PCDHGB5: variants seen among roughly 807,000 people sequenced by gnomAD.
PCDHGB5 encodes the protein protocadherin gamma subfamily B, 5, also known as protocadherin gamma-B5.
PCDHGB5 carries 48 observed loss-of-function variants against 62.9 expected under a neutral mutation model. The observed-to-expected ratio is 0.76, with a 90% confidence interval of 0.61 to 0.97. PCDHGB5 has a LOEUF of 0.97. Among genes scored for constraint, PCDHGB5 ranks in the 50% least tolerant of loss-of-function variants. PCDHGB5 has a pLI of 0.00. For missense variants in PCDHGB5, 1,118 were observed against 1,198.6 expected (o/e 0.93, Z 0.99); for synonymous variants, 474 against 511.2 (o/e 0.93, Z 0.98).
intron 1 of PCDHGB5, among the ~76,000 whole-genome samples, chr5:141,443,594 T>C (rs1040469046): frequency 1.3e-5 from 2 of 152,234 alleles, no homozygotes; most frequent in Non-Finnish European, 2.9e-5. Flanking sequence ...CAGAATGTGG[T>C]ATATGAAATG....
At chr5:141,462,100 G>T (rs1202526885) in intron 1 of PCDHGB5, among the ~76,000 whole-genome samples, 1 of 152,164 alleles carries the variant, frequency 6.6e-6, no homozygotes, top group Non-Finnish European at 1.5e-5. Flanking sequence ...TGGGATTACA[G>T]GCATGAGCCA....
rs765249445 is a variant in PCDHGB5, at chr5:141,489,754, C to T, written c.2398-5053C>T. ...CACCAATACTGTGAGCTTTTACACT[C>T]TAAGCCCCAACAGCCACTTCTCTCT... is the stretch of plus-strand genomic sequence containing the variant. On this transcript the variant is annotated intron_variant, in intron 1 of 3. Coordinates refer to ENST00000617380, the MANE Select transcript of PCDHGB5 (RefSeq NM_018925.3). The surrounding 1 kb of genome is among the most constrained non-coding windows in gnomAD (Gnocchi z 4.5). The T allele has an allele frequency of 4.0e-5, 64 of 1,613,992 alleles. No individual in the cohort carries two copies. The South Asian group carries it at 6.8e-4, about 17-fold the overall frequency.
chr5:141,403,581 T>C (rs2094427540), intron 1 of PCDHGB5: 8 of 1,613,936 alleles, frequency 5.0e-6, no homozygotes, highest in Non-Finnish European at 6.8e-6. Flanking sequence ...GCCCACCACC[T>C]GGTCCTCACG....
At chr5:141,488,348 C>T (rs1231687770) in intron 1 of PCDHGB5, among the ~76,000 whole-genome samples, 1 of 152,106 alleles carries the variant, frequency 6.6e-6, no homozygotes, top group Non-Finnish European at 1.5e-5. Flanking sequence ...TAGAAACAGC[C>T]ACCCTGTGCA....
intron 2 of PCDHGB5, among the ~76,000 whole-genome samples, chr5:141,504,402 G>A (rs2099837969): frequency 6.6e-6 from 1 of 152,170 alleles, no homozygotes; most frequent in Admixed American, 6.6e-5. Context: ...AGCCAGTGTG[G>A]TGGAGGAACA....
chr5:141,404,185 C>T, intron 1 of PCDHGB5: 1 of 1,613,214 alleles, frequency 6.2e-7, no homozygotes, highest in Non-Finnish European at 8.5e-7. Context: ...AAATTCTTGA[C>T]CGAGAAAAAG....
intron 1 of PCDHGB5, chr5:141,404,272 G>A (rs2094505108): frequency 6.2e-7 from 1 of 1,613,834 alleles, no homozygotes; most frequent in Non-Finnish European, 8.5e-7. Flanking sequence ...ACATCACCCT[G>A]CAAGTGACTG....
intron 1 of PCDHGB5, among the ~76,000 whole-genome samples, chr5:141,481,426 A>T (rs1431602618): frequency 6.6e-6 from 1 of 152,238 alleles, no homozygotes; most frequent in Non-Finnish European, 1.5e-5. Context: ...TGTGATGATG[A>T]TTGTATCAGT....
chr5:141,410,579 G>A (rs760249748), intron 1 of PCDHGB5: 17 of 1,610,792 alleles, frequency 1.1e-5, no homozygotes, highest in Non-Finnish European at 1.4e-5. Context: ...TCCACCTCAT[G>A]GTGGGGAGGA....
In PCDHGB5 at chr5:141,490,455, G is replaced by A. The variant is rs746957706; in HGVS notation, c.2398-4352G>A. The A allele has an allele frequency of 9.3e-6, 15 of 1,614,010 alleles. No individual in the cohort carries two copies. The highest frequency in any genetic ancestry group is 2.2e-5 in the South Asian group (2 of 91,084). ...TTAAGCCTTCTGAGAACCACTACTC[G>A]CTGCTAACCAGCCAGCCTTTGGACC... On this transcript the variant is annotated intron_variant, in intron 1 of 3. Coordinates refer to ENST00000617380, the MANE Select transcript of PCDHGB5 (RefSeq NM_018925.3). The surrounding 1 kb of genome is among the most constrained non-coding windows in gnomAD (Gnocchi z 5.4).
At chr5:141,404,192 A>G in intron 1 of PCDHGB5, 1 of 1,613,574 alleles carries the variant, frequency 6.2e-7, no homozygotes. Flanking sequence ...TGACCGAGAA[A>G]AAGCCTCAGA....
At chr5:141,412,084 G>C (rs1199665555) in intron 1 of PCDHGB5, 1 of 152,170 alleles carries the variant, frequency 6.6e-6, no homozygotes, top group East Asian at 1.9e-4. Flanking sequence ...ATTGCTACTG[G>C]GTTGATGGGC....
chr5:141,436,298 T>C (rs1480546595), intron 1 of PCDHGB5, among the ~76,000 whole-genome samples: 3 of 152,186 alleles, frequency 2.0e-5, no homozygotes, highest in Non-Finnish European at 4.4e-5. Flanking sequence ...CATTGAGAGT[T>C]AGAGCATGAA....
Position 141,476,642 on chromosome 5 carries a change from C to G in PCDHGB5, c.2398-18165C>G. 6.2e-7 allele frequency: 1 copy of G among 1,614,240 alleles called. No homozygotes were observed. The highest frequency in any genetic ancestry group is 8.5e-7 in the Non-Finnish European group (1 of 1,180,050). ...CTCTTTACAAACCTATGAGCTGAGC[C>G]GAAATGAATACTTTGCGCTTCGCGT... On this transcript the variant is annotated intron_variant, in intron 1 of 3. Transcript: ENST00000617380. This position sits in a 1 kb window ranked among gnomAD's most constrained non-coding sequence, Gnocchi z 7.6.
rs772659046 is a variant in PCDHGB5 at position 141,426,970 on chromosome 5, A to C, written c.2397+26446A>C. On this transcript the variant is annotated intron_variant, in intron 1 of 3. Coordinates refer to ENST00000617380, the MANE Select transcript of PCDHGB5 (RefSeq NM_018925.3). Reference sequence around the variant, plus strand: ...ACTGGCACTGCTGCAATTCAAATTGAGGTCACTGATGCCAACGATAATGCC... The same window carrying C: ...ACTGGCACTGCTGCAATTCAAATTGCGGTCACTGATGCCAACGATAATGCC... 72 of 456,624 alleles carry C rather than the reference A, an allele frequency of 1.6e-4. No homozygotes were observed. In the Middle Eastern group the frequency reaches 1.6e-3, roughly 10 times the overall value. The allele number at this position is 456,624 out of a possible 1,614,324, so 28.3% of individuals were successfully genotyped here. A position where few individuals can be genotyped will look rare whatever the true frequency, so the allele number is the denominator to read the frequency against.
Position 141,400,051 on chromosome 5 carries a change from G to T in PCDHGB5, c.1924G>T (p.Val642Leu). Residue 642 changes from valine to leucine, a missense_variant, in exon 1 of 4, where the codon GTG becomes TTG. Val to Leu is a conservative substitution (Grantham distance 32, BLOSUM62 1). This residue lies in a region of PCDHGB5 where 1,034 missense variants were observed against 1,029.1 expected (regional missense o/e 1.00). Transcript: ENST00000617380. ...GGCCCGCCAGCGCCTGCTGGTTGCT[G>T]TGCGTGATGGTGGACAGCCGCCACT... ...DAARQRLLVAVRDGGQPPLSA... is the reference protein window; with the variant it reads ...DAARQRLLVALRDGGQPPLSA... The T allele has an allele frequency of 6.2e-7, 1 of 1,613,762 alleles. No individual in the cohort carries two copies.
chr5:141,422,987 A>AG, intron 1 of PCDHGB5: 1 of 1,614,168 alleles, frequency 6.2e-7, no homozygotes. Context: ...GAACCTGGCT[A>AG]CCTGGTGACC....
At chr5:141,424,092 C>G (rs1160250641) in intron 1 of PCDHGB5, 2 of 879,256 alleles carry the variant, frequency 2.3e-6, no homozygotes, top group Non-Finnish European at 2.8e-6. Context: ...CCATTATTTG[C>G]TATTACTGCT....
chr5:141,420,304 T>C, intron 1 of PCDHGB5: 1 of 1,462,822 alleles, frequency 6.8e-7, no homozygotes, highest in African/African-American at 1.4e-5. Context: ...TTTAATCCTT[T>C]TTATATTACA....
Sources: gnomAD v4.1 joint callset for allele counts (sites outside exome capture counted in the v4.1 genomes callset) on GRCh38, gnomAD v4.1.1 for gene constraint, gnomAD v4.1.1 regional missense constraint, Gnocchi (gnomAD v3.1) non-coding constraint, MANE v1.5 for transcripts, NCBI Gene and HGNC (gene_info 2026-07-23, HGNC 2026-07-21) for gene names.